DNAAF9: variants seen among roughly 807,000 people sequenced by gnomAD.
DNAAF9 encodes the protein dynein axonemal assembly factor 9.
Under a neutral mutation model 167.0 loss-of-function variants are expected in DNAAF9, and 90 were observed. The ratio of observed to expected loss-of-function variants is 0.54; its 90% CI spans 0.45 to 0.64. The LOEUF (loss-of-function observed/expected upper bound fraction) is 0.64. DNAAF9 is among the 30% of genes least tolerant of loss of function. The pLI, the probability that DNAAF9 is intolerant of heterozygous loss-of-function variation, is 0.00. For synonymous variants in DNAAF9, 491 were observed against 508.8 expected (o/e 0.96, Z 0.47); for missense variants, 1,315 against 1,442.2 (o/e 0.91, Z 1.43).
intron 6 of DNAAF9, among the ~76,000 whole-genome samples, chr20:3,366,592 C>G (rs1169398141): frequency 6.6e-6 from 1 of 152,156 alleles, no homozygotes; most frequent in Admixed American, 6.5e-5. Flanking sequence ...GAGAGTCAGG[C>G]TGTCCTTTGA....
intron 7 of DNAAF9, among the ~76,000 whole-genome samples, chr20:3,350,146 CAG>C (rs11468251): frequency 0.22 from 22,993 of 105,878 alleles, 1,979 homozygotes; most frequent in South Asian, 0.27. Flanking sequence ...CACAGACACA[CAG>C]ACACACAGAC....
chr20:3,368,447 T>C (rs975570574), intron 6 of DNAAF9, among the ~76,000 whole-genome samples: 1 of 152,008 alleles, frequency 6.6e-6, no homozygotes, highest in African/African-American at 2.4e-5. Flanking sequence ...GGTGGGTGAC[T>C]TGTTTTTTCT....
At chr20:3,279,269 TGAGTA>T (rs1442842430) in intron 28 of DNAAF9, among the ~76,000 whole-genome samples, 3 of 152,202 alleles carry the variant, frequency 2.0e-5, no homozygotes, top group African/African-American at 7.2e-5. Context: ...CATATGTTTT[TGAGTA>T]AAGTGGATAT....
At chr20:3,359,451 A>G in intron 7 of DNAAF9, 65 bp downstream of exon 7, 2 of 1,008,956 alleles carry the variant, frequency 2.0e-6, no homozygotes, top group South Asian at 1.4e-5. Flanking sequence ...CAAATTAAAG[A>G]TCACTAGCAG....
chr20:3,278,676 G>A (rs533280586), intron 29 of DNAAF9, among the ~76,000 whole-genome samples: 2 of 152,204 alleles, frequency 1.3e-5, no homozygotes, highest in African/African-American at 4.8e-5. Flanking sequence ...CCGAGACCAC[G>A]CTATTGCACT....
intron 28 of DNAAF9, among the ~76,000 whole-genome samples, chr20:3,281,241 C>T (rs2068759781): frequency 6.6e-6 from 1 of 152,124 alleles, no homozygotes; most frequent in African/African-American, 2.4e-5. Flanking sequence ...GTTGGCCAGG[C>T]TGGTCTCGAA....
rs2084084171 is a variant in DNAAF9 at position 3,407,634 on chromosome 20, A to G, written c.-77T>C. 8.6e-6 allele frequency: 10 copies of G among 1,168,572 alleles called. No homozygotes were observed. The South Asian group carries it at 1.3e-4, about 15-fold the overall frequency. 72.4% of individuals were successfully genotyped at this position (1,168,572 alleles called of 1,614,324 possible). On this transcript the variant is annotated 5_prime_UTR_variant, in exon 1 of 37. Coordinates refer to ENST00000252032, the MANE Select transcript of DNAAF9 (RefSeq NM_001009984.3). Reference sequence around the variant, plus strand: ...GTTGCCCGCAGGGCGGCTCCACGCTAGCTGCGGCCGGGCGGGGCGGCAGGG... The same window carrying G: ...GTTGCCCGCAGGGCGGCTCCACGCTGGCTGCGGCCGGGCGGGGCGGCAGGG...
chr20:3,356,758 T>C (rs1160539378), intron 7 of DNAAF9, among the ~76,000 whole-genome samples: 1 of 151,896 alleles, frequency 6.6e-6, no homozygotes, highest in African/African-American at 2.4e-5. Flanking sequence ...ACAGCAAGAG[T>C]ATAAGAGGCC....
chr20:3,350,060 A>C (rs536098143), intron 7 of DNAAF9, among the ~76,000 whole-genome samples: 1 of 151,870 alleles, frequency 6.6e-6, no homozygotes, highest in South Asian at 2.1e-4. Flanking sequence ...CCTAGACATA[A>C]AGCACAAGGC....
At chr20:3,346,224 G>A (rs946342349) in intron 8 of DNAAF9, among the ~76,000 whole-genome samples, 3 of 152,114 alleles carry the variant, frequency 2.0e-5, no homozygotes. Flanking sequence ...ATGCAAACTG[G>A]TACAACCCTT....
At chr20:3,284,294 C>T (rs1183605904) in intron 27 of DNAAF9, among the ~76,000 whole-genome samples, 2 of 151,558 alleles carry the variant, frequency 1.3e-5, no homozygotes, top group Non-Finnish European at 2.9e-5. Flanking sequence ...GATCCTCCTG[C>T]CTCAGCCTCC....
intron 27 of DNAAF9, among the ~76,000 whole-genome samples, chr20:3,285,839 G>T (rs1600707040): frequency 6.6e-6 from 1 of 151,640 alleles, no homozygotes; most frequent in African/African-American, 2.4e-5. Context: ...AATTACTCGG[G>T]TGTGGTGGCG....
intron 14 of DNAAF9, 21 bp from the exon 15 acceptor site, chr20:3,322,717 A>C: frequency 6.2e-7 from 1 of 1,602,572 alleles, no homozygotes; most frequent in South Asian, 1.1e-5. Flanking sequence ...GAAACAAAAC[A>C]AAAGAAAAAT....
intron 21 of DNAAF9, among the ~76,000 whole-genome samples, chr20:3,301,114 A>C (rs1448133662): frequency 1.3e-5 from 2 of 151,530 alleles, no homozygotes; most frequent in Admixed American, 1.3e-4. Context: ...TTCTGGGCTC[A>C]AGTGATCCTC....
chr20:3,330,251 T>G (rs2069796655), intron 12 of DNAAF9, among the ~76,000 whole-genome samples: 1 of 152,078 alleles, frequency 6.6e-6, no homozygotes, highest in South Asian at 2.1e-4. Context: ...TGTCTTCTTC[T>G]TCTTCTTTTT....
chr20:3,259,848 A>T (rs2068349080), intron 32 of DNAAF9, 74 bp downstream of exon 32: 3 of 863,134 alleles, frequency 3.5e-6, no homozygotes, highest in Non-Finnish European at 5.9e-6. Flanking sequence ...AGAATACTGA[A>T]ATGGTACCAG....
intron 10 of DNAAF9, among the ~76,000 whole-genome samples, chr20:3,338,244 T>C (rs2070004811): frequency 6.6e-6 from 1 of 152,084 alleles, no homozygotes; most frequent in African/African-American, 2.4e-5. Context: ...GGATATAAAA[T>C]GTGGTTTGGT....
intron 27 of DNAAF9, among the ~76,000 whole-genome samples, chr20:3,284,871 ATG>A (rs949386375): frequency 2.7e-5 from 4 of 150,552 alleles, no homozygotes; most frequent in South Asian, 4.2e-4. Flanking sequence ...GTGTGTGTGT[ATG>A]TGTGTGTGTG....
At chr20:3,296,228 C>T (rs554736437) in intron 23 of DNAAF9, 1 of 509,612 alleles carries the variant, frequency 2.0e-6, no homozygotes, top group East Asian at 4.8e-5. Flanking sequence ...AGGACCGCAC[C>T]ACTGCACTCT....
Sources: allele counts gnomAD v4.1 joint callset (sites outside exome capture counted in the v4.1 genomes callset), GRCh38; gene constraint gnomAD v4.1.1; transcripts MANE v1.5; gene names NCBI Gene and HGNC (gene_info 2026-07-23, HGNC 2026-07-21).